GABRG3: variants seen among roughly 807,000 people sequenced by gnomAD.
The protein encoded by GABRG3 is gamma-aminobutyric acid type A receptor subunit gamma3, also known as gamma-aminobutyric acid receptor subunit gamma-3.
A neutral mutation model predicts 48.8 loss-of-function variants in GABRG3; 25 were observed. That is an observed-to-expected ratio of 0.51 (90% CI 0.37 to 0.72). GABRG3 has a LOEUF of 0.72. Ranked by LOEUF, GABRG3 falls within the 30% of genes least tolerant of loss-of-function variation. The probability of loss-of-function intolerance (pLI) is 0.00; values close to 1 mark genes in which losing one functional copy is unlikely to be tolerated. For synonymous variants in GABRG3, 227 were observed against 217.6 expected (o/e 1.04, Z -0.38); for missense variants, 394 against 577.9 (o/e 0.68, Z 3.26).
rs1221872510 is a variant in GABRG3 at position 27,439,177 on chromosome 15, C to T, written c.575-41473C>T. 3.3e-5 allele frequency among the ~76,000 whole-genome samples: 5 copies of T among 152,168 alleles called. No individual in the cohort carries two copies. In the East Asian group the frequency reaches 9.7e-4, roughly 29 times the overall value. On this transcript the variant is annotated intron_variant, in intron 5 of 9. Transcript: ENST00000615808. ...GTTGATCTTGATGCTAACAGGAACT[C>T]CTCCAAACGGGAGATGAATCATGGT...
chr15:27,188,290 G>T (rs1389404729), intron 3 of GABRG3, among the ~76,000 whole-genome samples: 1 of 152,146 alleles, frequency 6.6e-6, no homozygotes, highest in African/African-American at 2.4e-5. Flanking sequence ...CTAGATCCCT[G>T]AGGAATTGCC....
chr15:27,268,011 A>G (rs1361965803), intron 3 of GABRG3, among the ~76,000 whole-genome samples: 1 of 152,028 alleles, frequency 6.6e-6, no homozygotes, highest in Non-Finnish European at 1.5e-5. Flanking sequence ...TTTTCTTGCA[A>G]TGTCATTTTC....
chr15:27,461,973 C>G (rs1889464362), intron 5 of GABRG3, among the ~76,000 whole-genome samples: 1 of 152,330 alleles, frequency 6.6e-6, no homozygotes, highest in Non-Finnish European at 1.5e-5. Flanking sequence ...CTCTTGGATT[C>G]TTGGTGAACA....
chr15:27,488,485 C>A (rs2150848080), intron 6 of GABRG3, among the ~76,000 whole-genome samples: 1 of 152,226 alleles, frequency 6.6e-6, no homozygotes, highest in Non-Finnish European at 1.5e-5. Flanking sequence ...TCCTCATCTG[C>A]AAAATGGGGA....
chr15:27,332,521 G>A (rs1243541519), intron 5 of GABRG3, among the ~76,000 whole-genome samples: 1 of 150,862 alleles, frequency 6.6e-6, no homozygotes, highest in African/African-American at 2.5e-5. Context: ...GCAACAGAGT[G>A]AAACTCTGTC....
intron 3 of GABRG3, among the ~76,000 whole-genome samples, chr15:27,214,177 CAG>C (rs2140436549): frequency 6.6e-6 from 1 of 152,278 alleles, no homozygotes; most frequent in African/African-American, 2.4e-5. Flanking sequence ...GCTGTGAAGA[CAG>C]AAGGCATTGT....
chr15:27,341,077 C>T, intron 5 of GABRG3: 1 of 414,392 alleles, frequency 2.4e-6, no homozygotes, highest in South Asian at 1.9e-5. Flanking sequence ...AAGAGTTAGC[C>T]AGGTCAGCAA....
At chr15:27,314,199 TC>T in intron 3 of GABRG3, among the ~76,000 whole-genome samples, 1 of 152,208 alleles carries the variant, frequency 6.6e-6, no homozygotes, top group East Asian at 1.9e-4. Context: ...TATAGTGAAG[TC>T]CTACAATTTG....
chr15:27,007,115 T>G (rs1051159999), intron 2 of GABRG3, among the ~76,000 whole-genome samples: 7 of 151,944 alleles, frequency 4.6e-5, no homozygotes, highest in African/African-American at 1.7e-4. Context: ...GGTCTTGTTC[T>G]GTCATCCTGG....
intron 2 of GABRG3, among the ~76,000 whole-genome samples, chr15:27,006,293 C>A (rs1323978796): frequency 6.6e-6 from 1 of 152,014 alleles, no homozygotes; most frequent in Non-Finnish European, 1.5e-5. Context: ...CCTCTGCCTC[C>A]TGGGTTCAAG....
intron 3 of GABRG3, among the ~76,000 whole-genome samples, chr15:27,175,056 G>A (rs974282213): frequency 5.3e-5 from 8 of 152,090 alleles, no homozygotes; most frequent in Non-Finnish European, 7.4e-5. Flanking sequence ...TGTGTCTCTC[G>A]GCCTTCCAGG....
intron 3 of GABRG3, among the ~76,000 whole-genome samples, chr15:27,256,158 AG>A (rs1373088322): frequency 3.3e-5 from 5 of 152,068 alleles, no homozygotes; most frequent in African/African-American, 1.2e-4. Context: ...GAAAGGACAG[AG>A]GGGCCGGGTG....
At chr15:27,499,294 G>A (rs1400164792) in intron 6 of GABRG3, among the ~76,000 whole-genome samples, 6 of 152,132 alleles carry the variant, frequency 3.9e-5, no homozygotes. Context: ...AATTCCCCAG[G>A]AGTCTCAGGA....
rs1022432546 is a variant in GABRG3, at chr15:27,352,780, T to C, written c.574+23892T>C. 6.6e-6 allele frequency among the ~76,000 whole-genome samples: 1 copy of C among 152,050 alleles called. No homozygotes were observed. The highest frequency in any genetic ancestry group is 2.1e-4 in the South Asian group (1 of 4,830). ...TTTCACGCAGATGCATGGGGTGATATAGCGCAAGGTGGAGGGTGCAATATG... is the reference window on the plus strand; with the variant it reads ...TTTCACGCAGATGCATGGGGTGATACAGCGCAAGGTGGAGGGTGCAATATG... On this transcript the variant is annotated intron_variant, in intron 5 of 9. Transcript: ENST00000615808. The surrounding 1 kb of genome is among the most constrained non-coding windows in gnomAD (Gnocchi z 4.0).
At chr15:27,475,024 G>A (rs904083075) in intron 5 of GABRG3, among the ~76,000 whole-genome samples, 9 of 152,130 alleles carry the variant, frequency 5.9e-5, no homozygotes, top group Non-Finnish European at 1.2e-4. Flanking sequence ...CAGCTACTCA[G>A]GAGGCTGAGG....
chr15:27,329,976 TCA>T (rs1398727667), intron 5 of GABRG3, among the ~76,000 whole-genome samples: 1 of 152,190 alleles, frequency 6.6e-6, no homozygotes, highest in Non-Finnish European at 1.5e-5. Context: ...GCGTGGTGGC[TCA>T]CGCCTGTAAT....
At chr15:27,198,156 A>G (rs1789520366) in intron 3 of GABRG3, among the ~76,000 whole-genome samples, 1 of 152,196 alleles carries the variant, frequency 6.6e-6, no homozygotes, top group Non-Finnish European at 1.5e-5. Context: ...AATGGGATCT[A>G]ATTAAACTAA....
chr15:27,369,349 C>T (rs1376613192), intron 5 of GABRG3, among the ~76,000 whole-genome samples: 6 of 152,160 alleles, frequency 3.9e-5, no homozygotes, highest in South Asian at 2.1e-4. Flanking sequence ...TGAAGGATAA[C>T]GAGGAAAATT....
intron 5 of GABRG3, among the ~76,000 whole-genome samples, chr15:27,399,423 G>A (rs753546571): frequency 6.6e-6 from 1 of 152,168 alleles, no homozygotes; most frequent in Non-Finnish European, 1.5e-5. Flanking sequence ...CAGTCCCTGC[G>A]GTTAATCAGT....
Sources: allele counts gnomAD v4.1 joint callset (sites outside exome capture counted in the v4.1 genomes callset), GRCh38; gene constraint gnomAD v4.1.1; non-coding constraint Gnocchi (gnomAD v3.1); transcripts MANE v1.5; gene names NCBI Gene and HGNC (gene_info 2026-07-23, HGNC 2026-07-21).